Variants in DLGAP2 observed in about 807,000 individuals in gnomAD.
DLGAP2 encodes the protein DLG associated protein 2.
A neutral mutation model predicts 100.3 loss-of-function variants in DLGAP2; 26 were observed. That is an observed-to-expected ratio of 0.26 (90% CI 0.19 to 0.36). The LOEUF (loss-of-function observed/expected upper bound fraction) is 0.36. Ranked by LOEUF, DLGAP2 falls within the 10% of genes least tolerant of loss-of-function variation. The pLI is 1.00. For missense variants in DLGAP2, 1,858 were observed against 1,453.2 expected, an observed-to-expected ratio of 1.28 and a Z score of -4.53; for synonymous variants, 886 against 630.1, an observed-to-expected ratio of 1.41 and a Z score of -6.08.
chr8:952,413 G>T (rs758805027), intron 2 of DLGAP2, among the ~76,000 whole-genome samples: 32 of 152,174 alleles, frequency 2.1e-4, no homozygotes, highest in Non-Finnish European at 4.3e-4. Context: ...GGAGGCCAAG[G>T]ATCATTTGAG....
chr8:907,005 C>T (rs1798394694), intron 1 of DLGAP2, among the ~76,000 whole-genome samples: 1 of 152,110 alleles, frequency 6.6e-6, no homozygotes, highest in South Asian at 2.1e-4. Context: ...CAGATCATCT[C>T]TTGTGGTTTC....
chr8:1,309,846 G>C (rs185039931), intron 3 of DLGAP2, among the ~76,000 whole-genome samples: 1 of 152,336 alleles, frequency 6.6e-6, no homozygotes, highest in East Asian at 1.9e-4. Flanking sequence ...TGTAATCCCA[G>C]CACTTTGGGA....
At chr8:759,131 CCTGACAGCTTT>C (rs1821001261) in intron 1 of DLGAP2, among the ~76,000 whole-genome samples, 1 of 81,570 alleles carries the variant, frequency 1.2e-5, no homozygotes, top group African/African-American at 3.4e-5. Flanking sequence ...TATCAATACC[CCTGACAGCTTT>C]CCCATTATCA....
Position 1,294,888 on chromosome 8 carries a change from C to CTT in DLGAP2, c.106+36014_106+36015dup, listed in dbSNP as rs59102231. Among the ~76,000 whole-genome samples the CTT allele has an allele frequency of 1.9e-3, 278 of 145,174 alleles. 1 individual carries two copies. The highest frequency in any genetic ancestry group is 3.8e-3 in the Admixed American group (54 of 14,086). ...TGTCTCAAAACAAAAAAAAACAAAACTTTTTTTTTTAAGTTACTAATTTTG... is the reference window on the plus strand; with the variant it reads ...TGTCTCAAAACAAAAAAAAACAAAACTTTTTTTTTTTTAAGTTACTAATTTTG... On this transcript the variant is annotated intron_variant, in intron 3 of 14. Transcript: ENST00000637795.
intron 1 of DLGAP2, among the ~76,000 whole-genome samples, chr8:866,401 G>A (rs1289795278): frequency 6.6e-6 from 1 of 152,204 alleles, no homozygotes; most frequent in African/African-American, 2.4e-5. Context: ...CCCAGGGCCT[G>A]GGAACCATGT....
At chr8:1,244,721 T>G (rs948860946) in intron 2 of DLGAP2, among the ~76,000 whole-genome samples, 1 of 152,202 alleles carries the variant, frequency 6.6e-6, no homozygotes, top group Non-Finnish European at 1.5e-5. Flanking sequence ...AGCAGTGGTT[T>G]CTTAGAGATG....
intron 3 of DLGAP2, among the ~76,000 whole-genome samples, chr8:1,360,103 T>A (rs917475818): frequency 1.3e-5 from 2 of 151,994 alleles, no homozygotes; most frequent in African/African-American, 4.8e-5. Flanking sequence ...TGTGTGGGGT[T>A]CGGAGGAGAG....
chr8:1,210,128 T>G (rs1240045096), intron 2 of DLGAP2, among the ~76,000 whole-genome samples: 1 of 152,066 alleles, frequency 6.6e-6, no homozygotes, highest in Non-Finnish European at 1.5e-5. Flanking sequence ...TGGTGTTTAG[T>G]GGTGGCCAGA....
intron 2 of DLGAP2, among the ~76,000 whole-genome samples, chr8:1,004,020 A>T (rs375962819): frequency 6.6e-6 from 1 of 152,000 alleles, no homozygotes; most frequent in East Asian, 1.9e-4. Context: ...TATTCTCTTG[A>T]TGTTGCCTGG....
chr8:1,000,878 C>T (rs769702882), intron 2 of DLGAP2, among the ~76,000 whole-genome samples: 2 of 152,010 alleles, frequency 1.3e-5, no homozygotes, highest in African/African-American at 2.4e-5. Flanking sequence ...AGAGGGAGAC[C>T]TTGCTCATCG....
intron 2 of DLGAP2, among the ~76,000 whole-genome samples, chr8:1,130,069 C>G (rs73670650): frequency 1.3e-5 from 2 of 151,336 alleles, no homozygotes; most frequent in South Asian, 2.1e-4. Flanking sequence ...GGGCACTTCA[C>G]GTGGGTTAAG....
intron 1 of DLGAP2, among the ~76,000 whole-genome samples, chr8:789,642 C>A (rs377291984): frequency 2.0e-5 from 3 of 152,206 alleles, no homozygotes; most frequent in African/African-American, 7.2e-5. Context: ...AGTATATATT[C>A]TAGATAGCCC....
At chr8:1,185,243 G>A (rs1024901698) in intron 2 of DLGAP2, among the ~76,000 whole-genome samples, 9 of 152,172 alleles carry the variant, frequency 5.9e-5, no homozygotes, top group South Asian at 4.2e-4. Flanking sequence ...TTTCTAGCCC[G>A]ATATAATGGG....
intron 1 of DLGAP2, among the ~76,000 whole-genome samples, chr8:899,306 C>T (rs1010503909): frequency 1.3e-5 from 2 of 152,204 alleles, no homozygotes; most frequent in South Asian, 2.1e-4. Flanking sequence ...GTGGCCTTCC[C>T]GTGGTGGCAG....
intron 3 of DLGAP2, among the ~76,000 whole-genome samples, chr8:1,278,853 A>G (rs1799759402): frequency 6.6e-6 from 1 of 152,204 alleles, no homozygotes; most frequent in South Asian, 2.1e-4. Flanking sequence ...GAGGAGAGGA[A>G]GACTATGTGT....
At chr8:1,613,428 A>G (rs1481063229) in intron 6 of DLGAP2, among the ~76,000 whole-genome samples, 1 of 152,012 alleles carries the variant, frequency 6.6e-6, no homozygotes, top group Admixed American at 6.6e-5. Flanking sequence ...GAATTGGGAG[A>G]TATACCTAAG....
chr8:746,962 T>G (rs1398607209), intron 1 of DLGAP2, among the ~76,000 whole-genome samples: 1 of 152,194 alleles, frequency 6.6e-6, no homozygotes, highest in Non-Finnish European at 1.5e-5. Flanking sequence ...GAAACCTTAC[T>G]GTGAGTTCTC....
At chr8:817,872 G>A (rs1484417907) in intron 1 of DLGAP2, among the ~76,000 whole-genome samples, 1 of 152,196 alleles carries the variant, frequency 6.6e-6, no homozygotes, top group Non-Finnish European at 1.5e-5. Context: ...AGGGGGCAGG[G>A]GAATGAAATG....
At chr8:983,521 A>T (rs1338163785) in intron 2 of DLGAP2, among the ~76,000 whole-genome samples, 1 of 152,220 alleles carries the variant, frequency 6.6e-6, no homozygotes, top group Non-Finnish European at 1.5e-5. Context: ...CTTCTGTTCA[A>T]ATTCCACCTT....
Sources: gnomAD v4.1 joint callset for allele counts (sites outside exome capture counted in the v4.1 genomes callset) on GRCh38, gnomAD v4.1.1 for gene constraint, MANE v1.5 for transcripts, NCBI Gene and HGNC (gene_info 2026-07-23, HGNC 2026-07-21) for gene names.